NRXN3: variants seen among roughly 807,000 people sequenced by gnomAD.
The protein encoded by NRXN3 is neurexin III.
In NRXN3, 32 loss-of-function variants were observed where a neutral mutation model predicts 137.6. That is an observed-to-expected ratio of 0.23 (90% CI 0.18 to 0.31). The LOEUF (loss-of-function observed/expected upper bound fraction) is 0.31, where lower values mean the gene tolerates loss of function less well. Ranked by LOEUF, NRXN3 falls within the 10% of genes least tolerant of loss-of-function variation. The probability of loss-of-function intolerance (pLI) is 1.00; values close to 1 mark genes in which losing one functional copy is unlikely to be tolerated. For synonymous variants in NRXN3, 798 were observed against 784.5 expected (o/e 1.02, Z -0.29); for missense variants, 1,574 against 2,062.5 (o/e 0.76, Z 4.59).
At chr14:78,179,815 T>G (rs2059623329) in intron 1 of NRXN3, among the ~76,000 whole-genome samples, 1 of 50,912 alleles carries the variant, frequency 2.0e-5, no homozygotes, top group Non-Finnish European at 4.1e-5. Context: ...TCTTTGTTTT[T>G]TTTTTTTTGT....
chr14:78,317,452 A>G (rs557030516), intron 4 of NRXN3, among the ~76,000 whole-genome samples: 2 of 152,216 alleles, frequency 1.3e-5, no homozygotes, highest in Non-Finnish European at 2.9e-5. Context: ...TGTGTTCCTT[A>G]TAAGAATCTG....
intron 4 of NRXN3, among the ~76,000 whole-genome samples, chr14:78,302,551 T>A (rs1180293949): frequency 6.6e-6 from 1 of 152,170 alleles, no homozygotes; most frequent in Non-Finnish European, 1.5e-5. Flanking sequence ...CGTTTAAGCC[T>A]TCTAGCTACC....
intron 15 of NRXN3, chr14:79,280,376 A>G (rs769633306): frequency 1.2e-6 from 2 of 1,613,918 alleles, no homozygotes; most frequent in Non-Finnish European, 1.7e-6. Context: ...CTGGGGATGT[A>G]TCGTCAGCTC....
intron 15 of NRXN3, among the ~76,000 whole-genome samples, chr14:79,380,244 T>C (rs2094431259): frequency 6.6e-6 from 1 of 151,226 alleles, no homozygotes; most frequent in Admixed American, 6.6e-5. Flanking sequence ...ATGTGCACAG[T>C]GTGCAGGTTA....
At chr14:78,820,822 C>T (rs1158593034) in intron 10 of NRXN3, among the ~76,000 whole-genome samples, 1 of 152,010 alleles carries the variant, frequency 6.6e-6, no homozygotes, top group Non-Finnish European at 1.5e-5. Context: ...GTATGTGTCC[C>T]AAAAAAGAGG....
At chr14:78,841,887 G>C (rs936162698) in intron 10 of NRXN3, among the ~76,000 whole-genome samples, 2 of 151,990 alleles carry the variant, frequency 1.3e-5, no homozygotes, top group Admixed American at 6.6e-5. Flanking sequence ...TAATAAGTTT[G>C]GTAGCATGTT....
chr14:79,289,802 GGCAGGAAAGAAA>G, intron 15 of NRXN3, among the ~76,000 whole-genome samples: 1 of 152,228 alleles, frequency 6.6e-6, no homozygotes, highest in Admixed American at 6.5e-5. Context: ...CTTGCCAGAA[GGCAGGAAAGAAA>G]TGGCCTGTCT....
At chr14:79,516,764 A>G (rs1279893719) in intron 16 of NRXN3, among the ~76,000 whole-genome samples, 1 of 152,206 alleles carries the variant, frequency 6.6e-6, no homozygotes, top group Non-Finnish European at 1.5e-5. Context: ...CATACTGTAT[A>G]TATAATTCTG....
intron 10 of NRXN3, among the ~76,000 whole-genome samples, chr14:78,948,954 A>G (rs2099378828): frequency 2.0e-5 from 3 of 152,288 alleles, no homozygotes; most frequent in African/African-American, 7.2e-5. Flanking sequence ...TTGACAGGTC[A>G]CAGAGCTTTG....
Position 79,213,590 on chromosome 14 carries a change from G to A in NRXN3, c.3262+225449G>A, listed in dbSNP as rs1440892428. Reference sequence around the variant, plus strand: ...ACTCAAGTGACAGAGCTTTCCTGATGGGCCCAAGTCCTGTCTCCTCTCACC... The same window carrying A: ...ACTCAAGTGACAGAGCTTTCCTGATAGGCCCAAGTCCTGTCTCCTCTCACC... On this transcript the variant is annotated intron_variant, in intron 15 of 20. Coordinates refer to ENST00000335750, the MANE Select transcript of NRXN3 (RefSeq NM_001330195.2). Among the ~76,000 whole-genome samples the A allele has an allele frequency of 2.6e-5, 4 of 151,722 alleles. No homozygotes were observed. The East Asian group carries it at 7.8e-4, about 29-fold the overall frequency.
chr14:79,614,980 G>T (rs923176646), intron 16 of NRXN3, among the ~76,000 whole-genome samples: 1 of 152,100 alleles, frequency 6.6e-6, no homozygotes, highest in African/African-American at 2.4e-5. Context: ...AACTAGGCTG[G>T]GTCTTCTCTT....
intron 19 of NRXN3, among the ~76,000 whole-genome samples, chr14:79,732,493 T>G (rs534290160): frequency 1.3e-5 from 2 of 152,282 alleles, no homozygotes; most frequent in Admixed American, 1.3e-4. Context: ...AGGCCAGTCC[T>G]GTTAGGCAAG....
chr14:79,594,534 T>C (rs2097843074), intron 16 of NRXN3, among the ~76,000 whole-genome samples: 1 of 152,184 alleles, frequency 6.6e-6, no homozygotes. Flanking sequence ...TCAAAACTAA[T>C]GCAAGGGCTT....
At chr14:79,251,649 C>T (rs1202901036) in intron 15 of NRXN3, among the ~76,000 whole-genome samples, 1 of 152,022 alleles carries the variant, frequency 6.6e-6, no homozygotes, top group Non-Finnish European at 1.5e-5. Context: ...GGAGGATTCA[C>T]AGGTGGTGAA....
intron 4 of NRXN3, among the ~76,000 whole-genome samples, chr14:78,519,230 C>T (rs544509570): frequency 6.6e-6 from 1 of 152,208 alleles, no homozygotes; most frequent in Non-Finnish European, 1.5e-5. Flanking sequence ...AAACATATGT[C>T]TGTGATAAAG....
intron 8 of NRXN3, among the ~76,000 whole-genome samples, chr14:78,727,830 C>T (rs906427760): frequency 1.3e-5 from 2 of 152,142 alleles, no homozygotes; most frequent in Non-Finnish European, 2.9e-5. Flanking sequence ...TGTTAAGTCA[C>T]ATATCTCAAA....
intron 10 of NRXN3, among the ~76,000 whole-genome samples, chr14:78,827,135 T>C (rs2098968919): frequency 6.6e-6 from 1 of 152,208 alleles, no homozygotes; most frequent in Admixed American, 6.5e-5. Context: ...CCATTTTTAC[T>C]GTACCTCAGC....
chr14:78,728,712 A>C (rs562149085), intron 8 of NRXN3, among the ~76,000 whole-genome samples: 1 of 152,224 alleles, frequency 6.6e-6, no homozygotes, highest in Admixed American at 6.5e-5. Flanking sequence ...CCTGGCCAAC[A>C]TAGTGAAAAC....
chr14:79,339,672 G>A (rs1012720476), intron 15 of NRXN3, among the ~76,000 whole-genome samples: 7 of 152,168 alleles, frequency 4.6e-5, no homozygotes, highest in African/African-American at 1.7e-4. Context: ...TAAAGTTTGA[G>A]GAACACTGAT....
Sources: allele counts gnomAD v4.1 joint callset (sites outside exome capture counted in the v4.1 genomes callset), GRCh38; gene constraint gnomAD v4.1.1; transcripts MANE v1.5; gene names NCBI Gene and HGNC (gene_info 2026-07-23, HGNC 2026-07-21).